The following SRSF3 variants were observed in gnomAD, a reference collection of about 807,000 sequenced individuals.
SRSF3 encodes the protein serine and arginine rich splicing factor 3, also known as serine/arginine-rich splicing factor 3.
For missense variants in SRSF3, 58 were observed against 217.1 expected (o/e 0.27, Z 4.61); for synonymous variants, 87 against 73.6 (o/e 1.18, Z -0.93).
chr6:36,598,535 C>T, intron 2 of SRSF3: 1 of 256,464 alleles, frequency 3.9e-6, no homozygotes, highest in Non-Finnish European at 7.7e-6. Flanking sequence ...AGGCATGTAC[C>T]ACCACACCTG....
chr6:36,601,849 C>T (rs1778721191), intron 5 of SRSF3, 55 bp downstream of exon 5: 3 of 1,602,620 alleles, frequency 1.9e-6, no homozygotes, highest in Middle Eastern at 1.7e-4. Context: ...ATGCTAAGGC[C>T]TGTCTTCTAA....
intron 2 of SRSF3, chr6:36,597,296 G>C (rs1343498393): frequency 3.3e-6 from 1 of 302,122 alleles, no homozygotes; most frequent in East Asian, 8.3e-5. Context: ...AGCAGAGATG[G>C]GGTTTCACCA....
At chr6:36,596,376 A>G (rs563915550) in intron 1 of SRSF3, among the ~76,000 whole-genome samples, 1 of 152,206 alleles carries the variant, frequency 6.6e-6, no homozygotes, top group African/African-American at 2.4e-5. Context: ...TTGAGTCCCC[A>G]ACAGAATTCT....
chr6:36,599,851 C>T, intron 3 of SRSF3: 2 of 1,352,194 alleles, frequency 1.5e-6, no homozygotes, highest in Non-Finnish European at 2.0e-6. Context: ...TCACCACCCT[C>T]TGAATCTGCA....
chr6:36,598,466 C>T (rs527426326), intron 2 of SRSF3: 4 of 175,926 alleles, frequency 2.3e-5, no homozygotes, highest in Admixed American at 5.6e-5. Context: ...TCGTTGTAAC[C>T]TCTGCCTACT....
At chr6:36,601,540 C>A in intron 4 of SRSF3, 168 bp from the exon 5 acceptor site, 2 of 653,250 alleles carry the variant, frequency 3.1e-6, no homozygotes. Context: ...GATGGGATCT[C>A]ACTTTGTTGT....
At chr6:36,595,668 T>G (rs1481271108) in intron 1 of SRSF3, among the ~76,000 whole-genome samples, 1 of 152,226 alleles carries the variant, frequency 6.6e-6, no homozygotes, top group East Asian at 1.9e-4. Flanking sequence ...TGTCAGTACA[T>G]CATTCTGAAT....
At chr6:36,599,126 G>A in intron 3 of SRSF3, 143 bp downstream of exon 3, 2 of 1,046,566 alleles carry the variant, frequency 1.9e-6, no homozygotes, top group Non-Finnish European at 2.7e-6. Flanking sequence ...TGTAATTTGG[G>A]GTATGTGAGT....
At chr6:36,601,835 TAGTATGCTA>T in intron 5 of SRSF3, 41 bp downstream of exon 5, 1 of 1,598,988 alleles carries the variant, frequency 6.3e-7, no homozygotes. Flanking sequence ...TTTGCATACA[TAGTATGCTA>T]AGGCCTGTCT....
At position 36,602,201 on chromosome 6, in the gene SRSF3, A is replaced by T; in HGVS notation, c.*212A>T. The T allele has an allele frequency of 1.0e-6, 1 of 959,094 alleles. No homozygotes were observed. Among genetic ancestry groups the T allele is most frequent in the Non-Finnish European group, 1.4e-6 (1 of 694,910 alleles). The allele number at this position is 959,094 out of a possible 1,614,324, so 59.4% of individuals were successfully genotyped here. A position where few individuals can be genotyped will look rare whatever the true frequency, so the allele number is the denominator to read the frequency against. On this transcript the variant is annotated 3_prime_UTR_variant, in exon 6 of 6. Coordinates refer to ENST00000373715, the MANE Select transcript of SRSF3 (RefSeq NM_003017.5). ...TCATACGAGGCATGTAATACCAAGA[A>T]TTGTTACTTTACAATGTTCCCTTAA...
chr6:36,603,781 A>G lies in SRSF3; in HGVS notation c.*1792A>G, dbSNP rs1413167421. ...GCCAAGATAGCTAAGAAGTTACGGA[A>G]GCCATGCAATATGTCAATTACATTG... On this transcript the variant is annotated 3_prime_UTR_variant, in exon 6 of 6. Coordinates refer to ENST00000373715, the MANE Select transcript of SRSF3 (RefSeq NM_003017.5). The G allele has an allele frequency of 8.6e-6, 2 of 231,612 alleles. No homozygotes were observed. The highest frequency in any genetic ancestry group is 1.7e-5 in the Non-Finnish European group (2 of 117,110). The allele number at this position is 231,612 out of a possible 1,614,324, so 14.3% of individuals were successfully genotyped here. A position where few individuals can be genotyped will look rare whatever the true frequency, so the allele number is the denominator to read the frequency against.
At chr6:36,597,217 TGCCTCA>T in intron 2 of SRSF3, 1 of 520,192 alleles carries the variant, frequency 1.9e-6, no homozygotes, top group South Asian at 2.2e-5. Flanking sequence ...GTGATTCTCC[TGCCTCA>T]GCCTTCTGAG....
Position 36,603,773 on chromosome 6 carries a change from G to T in SRSF3, c.*1784G>T, listed in dbSNP as rs929210920. ...AGGAACAAGCCAAGATAGCTAAGAA[G>T]TTACGGAAGCCATGCAATATGTCAA... On this transcript the variant is annotated 3_prime_UTR_variant, in exon 6 of 6. Transcript: ENST00000373715. 2 of 231,414 alleles carry T rather than the reference G, an allele frequency of 8.6e-6. No individual in the cohort carries two copies. Among genetic ancestry groups the T allele is most frequent in the African/African-American group, 4.4e-5 (2 of 45,248 alleles). The allele number at this position is 231,414 out of a possible 1,614,324, so 14.3% of individuals were successfully genotyped here.
intron 1 of SRSF3, among the ~76,000 whole-genome samples, chr6:36,595,756 A>C (rs1410380107): frequency 6.6e-6 from 1 of 152,196 alleles, no homozygotes; most frequent in Non-Finnish European, 1.5e-5. Flanking sequence ...TCTTTGGGCT[A>C]CTGTGAATAA....
At chr6:36,600,999 TTC>T in intron 3 of SRSF3, 151 bp from the exon 4 acceptor site, 4 of 441,566 alleles carry the variant, frequency 9.1e-6, no homozygotes, top group South Asian at 1.1e-4. Context: ...TTTCTTTTTT[TTC>T]TTTTTTTTTT....
rs1343555125 is a variant in SRSF3, at chr6:36,598,769, G to A, written c.207-80G>A. On this transcript the variant is annotated intron_variant, in intron 2 of 5. Transcript: ENST00000373715. ...ACTTAGGTGTGTTCTTTGCAGAATAGCCAACTGAGAGTACTTTTGGCTTTA... is the reference window on the plus strand; with the variant it reads ...ACTTAGGTGTGTTCTTTGCAGAATAACCAACTGAGAGTACTTTTGGCTTTA... The A allele has an allele frequency of 9.9e-6, 15 of 1,520,616 alleles. No homozygotes were observed. In the East Asian group the frequency reaches 2.3e-4, roughly 23 times the overall value. The allele number at this position is 1,520,616 out of a possible 1,614,324, so 94.2% of individuals were successfully genotyped here. A position where few individuals can be genotyped will look rare whatever the true frequency, so the allele number is the denominator to read the frequency against.
At chr6:36,596,574 C>CGGGGGGGGGGTGGG (rs34650091) in intron 1 of SRSF3, among the ~76,000 whole-genome samples, 187 bp from the exon 2 acceptor site, 1 of 91,962 alleles carries the variant, frequency 1.1e-5, no homozygotes, top group Non-Finnish European at 2.1e-5. Flanking sequence ...GGCGGGGTGG[C>CGGGGGGGGGGTGGG]GGGGGGGGGG....
chr6:36,603,989 A>G lies in SRSF3; in HGVS notation c.*2000A>G. 1 of 230,644 alleles carries G rather than the reference A, an allele frequency of 4.3e-6. No homozygotes were observed. Among genetic ancestry groups the G allele is most frequent in the East Asian group, 6.2e-5 (1 of 16,174 alleles). 14.3% of individuals were successfully genotyped at this position (230,644 alleles called of 1,614,324 possible). ...GGAGTTATCCTGACTTAGGTGACATACAGTCCCAGTTGGCAGTTACTTTAA... is the reference window on the plus strand; with the variant it reads ...GGAGTTATCCTGACTTAGGTGACATGCAGTCCCAGTTGGCAGTTACTTTAA... On this transcript the variant is annotated 3_prime_UTR_variant, in exon 6 of 6. Coordinates refer to ENST00000373715, the MANE Select transcript of SRSF3 (RefSeq NM_003017.5).
At position 36,603,013 on chromosome 6, in the gene SRSF3, G is replaced by A. The variant is rs577462348; in HGVS notation, c.*1024G>A. 1.8e-5 allele frequency: 4 copies of A among 221,002 alleles called. No individual in the cohort carries two copies. Among genetic ancestry groups the A allele is most frequent in the Non-Finnish European group, 3.6e-5 (4 of 110,312 alleles). 13.7% of individuals were successfully genotyped at this position (221,002 alleles called of 1,614,324 possible). On this transcript the variant is annotated 3_prime_UTR_variant, in exon 6 of 6. Coordinates refer to ENST00000373715, the MANE Select transcript of SRSF3 (RefSeq NM_003017.5). The stretch of plus-strand genomic sequence containing the variant: ...TTATTTTATAAGAAACAGCTGAGAG[G>A]CACTATGGATTAGTCTTCTGAAGTG...
Sources: allele counts gnomAD v4.1 joint callset (sites outside exome capture counted in the v4.1 genomes callset), GRCh38; gene constraint gnomAD v4.1.1; transcripts MANE v1.5; gene names NCBI Gene and HGNC (gene_info 2026-07-23, HGNC 2026-07-21).